Variants in NLRP14 observed in about 807,000 individuals in gnomAD.
NLRP14 encodes NACHT, LRR and PYD domains-containing protein 14.
NLRP14 carries 105 observed loss-of-function variants against 94.7 expected under a neutral mutation model. That is an observed-to-expected ratio of 1.11 (90% CI 0.95 to 1.30). The LOEUF (loss-of-function observed/expected upper bound fraction) is 1.30. Ranked by LOEUF, NLRP14 falls within the 50% of genes most tolerant of loss-of-function variation. The pLI is 0.00. For missense variants in NLRP14, 1,362 were observed against 1,254.1 expected (o/e 1.09, Z -1.30); for synonymous variants, 508 against 459.9 (o/e 1.10, Z -1.34).
At chr11:7,045,458 C>G (rs16921772) in intron 4 of NLRP14, among the ~76,000 whole-genome samples, 5,307 of 152,138 alleles carry the variant, frequency 0.035, 150 homozygotes, top group East Asian at 0.13. Context: ...AAAAGAAAAA[C>G]TGTAGGTGAC....
At chr11:7,053,383 G>C (rs10839706) in intron 6 of NLRP14, among the ~76,000 whole-genome samples, 1 of 150,128 alleles carries the variant, frequency 6.7e-6, no homozygotes, top group Admixed American at 6.6e-5. Flanking sequence ...TATAATCTTG[G>C]CTGATTCCCA....
chr11:7,077,887 G>T, the NLRP14 span, among the ~76,000 whole-genome samples: 5 of 151,914 alleles, frequency 3.3e-5, no homozygotes, highest in African/African-American at 1.2e-4. Flanking sequence ...CCATATCAGA[G>T]GGGGTTCCCA....
chr11:7,064,197 G>A (rs894443288), intron 10 of NLRP14, among the ~76,000 whole-genome samples: 5 of 152,154 alleles, frequency 3.3e-5, no homozygotes, highest in African/African-American at 9.6e-5. Context: ...GTATCGAATT[G>A]AAACAAGGTT....
Position 7,058,266 on chromosome 11 carries a change from T to C in NLRP14, c.2463-14T>C. On this transcript the variant is annotated splice_polypyrimidine_tract_variant and intron_variant, in intron 7 of 11. Coordinates refer to ENST00000299481, the MANE Select transcript of NLRP14 (RefSeq NM_176822.4). ...GGGAATTGACAGATCTCTTCTCATC[T>C]CTTTCTCTTTCAGCTTAGAAAGCTG... 1 of 1,610,120 alleles carries C rather than the reference T, an allele frequency of 6.2e-7. No homozygotes were observed. Among genetic ancestry groups the C allele is most frequent in the Non-Finnish European group, 8.5e-7 (1 of 1,176,860 alleles).
At chr11:7,034,427 A>G (rs1360078719) in intron 1 of NLRP14, among the ~76,000 whole-genome samples, 1 of 152,190 alleles carries the variant, frequency 6.6e-6, no homozygotes, top group Non-Finnish European at 1.5e-5. Flanking sequence ...GCAGTTTCTC[A>G]GAGGAGCCCT....
the NLRP14 span, chr11:7,089,980 G>C: frequency 6.2e-7 from 1 of 1,613,150 alleles, no homozygotes. Flanking sequence ...GAGAGCTACG[G>C]AGAGCTGCGC....
intron 5 of NLRP14, 105 bp downstream of exon 5, chr11:7,046,937 C>G: frequency 1.2e-6 from 1 of 862,018 alleles, no homozygotes; most frequent in Non-Finnish European, 2.0e-6. Context: ...CAAATACTTA[C>G]AATCCATTTT....
Position 7,042,751 on chromosome 11 carries a change from G to C in NLRP14, c.725G>C (p.Gly242Ala). ...LISKDWPSTE[G>A]PIEEIMYQPS... Reference sequence around the variant, plus strand: ...TCAAAGGACTGGCCCAGCACAGAAGGCCCCATTGAAGAAATCATGTACCAG... The same window carrying C: ...TCAAAGGACTGGCCCAGCACAGAAGCCCCCATTGAAGAAATCATGTACCAG... The change falls in exon 4 of 12, where the codon GGC becomes GCC. Residue 242 changes from glycine (G) to alanine (A), a missense_variant. Gly to Ala is a moderately conservative substitution (Grantham distance 60). Transcript: ENST00000299481. The C allele has an allele frequency of 6.2e-7, 1 of 1,614,164 alleles. No individual in the cohort carries two copies. Among genetic ancestry groups the C allele is most frequent in the Non-Finnish European group, 8.5e-7 (1 of 1,180,022 alleles).
chr11:7,027,236 G>T (rs948658349), intron 1 of NLRP14, among the ~76,000 whole-genome samples: 1 of 151,348 alleles, frequency 6.6e-6, no homozygotes, highest in African/African-American at 2.4e-5. Context: ...ATTTTCTGGG[G>T]CCCTGTTTTA....
chr11:7,063,587 A>G (rs1034727642), intron 10 of NLRP14, among the ~76,000 whole-genome samples: 1 of 152,074 alleles, frequency 6.6e-6, no homozygotes, highest in Non-Finnish European at 1.5e-5. Context: ...CTATGGAAGA[A>G]TATCTCCCCA....
Position 7,070,276 on chromosome 11 carries a change from T to G in NLRP14, c.2976-10T>G. ...AATTCATTTTTATCTTTTGTCTCTC[T>G]TCTCTACAGGTTGGAATACTGTGGT... On this transcript the variant is annotated splice_polypyrimidine_tract_variant and intron_variant, in intron 10 of 11. Coordinates refer to ENST00000299481, the MANE Select transcript of NLRP14 (RefSeq NM_176822.4). The G allele has an allele frequency of 6.2e-7, 1 of 1,600,020 alleles. No individual in the cohort carries two copies. The highest frequency in any genetic ancestry group is 8.6e-7 in the Non-Finnish European group (1 of 1,167,970).
At position 7,070,476 on chromosome 11, in the gene NLRP14, T is replaced by C. The variant is rs1589876513; in HGVS notation, c.3146+20T>C. 4.4e-6 allele frequency: 7 copies of C among 1,586,506 alleles called. No individual in the cohort carries two copies. In the East Asian group the frequency reaches 1.3e-4, roughly 30 times the overall value. ...TCTAGGGTAAGTCTCCATTGGCTTC[T>C]CAGGGGGAGCATTTCCTATAATGAG... On this transcript the variant is annotated intron_variant, in intron 11 of 11. Coordinates refer to ENST00000299481, the MANE Select transcript of NLRP14 (RefSeq NM_176822.4).
Position 7,049,829 on chromosome 11 carries a change from A to C in NLRP14, c.2282A>C (p.Gln761Pro), listed in dbSNP as rs747108320. 6 of 1,612,158 alleles carry C rather than the reference A, an allele frequency of 3.7e-6. No homozygotes were observed. In the African/African-American group the frequency reaches 8.0e-5, roughly 22 times the overall value. ...TTGAAACACCCAGAGTGTAAACTAC[A>C]GACTCTCAGGTAAGCTTTGAATTGT... Reference protein sequence around the residue: ...EALKHPECKLQTLRLESCNLT... With the variant: ...EALKHPECKLPTLRLESCNLT... The change falls in exon 6 of 12, where the codon CAG becomes CCG. Residue 761 changes from glutamine (Q) to proline (P), a missense_variant. Physicochemically the swap from Gln to Pro is moderately conservative, Grantham distance 76 (BLOSUM62 -1). Transcript: ENST00000299481.
chr11:7,043,778 C>T lies in NLRP14; in HGVS notation c.1752C>T (p.His584=). The T allele has an allele frequency of 6.2e-7, 1 of 1,614,132 alleles. No individual in the cohort carries two copies. The highest frequency in any genetic ancestry group is 1.7e-5 in the Admixed American group (1 of 60,018). The change falls in exon 4 of 12, where the codon CAC becomes CAT. Residue 584 remains histidine, a synonymous_variant. Transcript: ENST00000299481. ...AGCTGGGATTTCTGGAGTTGTTTCA[C>T]TGTCTGTATGAGACTCAAGATAAAG... ...PSQLGFLELF[H]CLYETQDKAF...
chr11:7,039,769 T>A lies in NLRP14; in HGVS notation c.345T>A (p.Asp115Glu), dbSNP rs766577780. Residue 115 changes from aspartate (D) to glutamate (E), a missense_variant, in exon 3 of 12, where the codon GAT becomes GAA. By Grantham distance (45) the Asp-to-Glu change is conservative (BLOSUM62 2). Transcript: ENST00000299481. ...CCAAGGCTGGAGAGACACAAGAAGA[T>A]CAGGAGGCAGTGCTGGGTGAGTAGT... Reference protein sequence around the residue: ...DDAKAGETQEDQEAVLGDGTE... With the variant: ...DDAKAGETQEEQEAVLGDGTE... 1 of 1,613,900 alleles carries A rather than the reference T, an allele frequency of 6.2e-7. No homozygotes were observed. The highest frequency in any genetic ancestry group is 8.5e-7 in the Non-Finnish European group (1 of 1,179,804).
In NLRP14 at chr11:7,042,681, A is replaced by C; in HGVS notation, c.655A>C (p.Arg219=). ...RFKYVFYLNG[R]EINQLKERSF... The stretch of plus-strand genomic sequence containing the variant: ...TAAGTATGTTTTTTATCTCAATGGG[A>C]GAGAAATTAACCAGCTGAAAGAGAG... The change falls in exon 4 of 12, where the codon AGA becomes CGA. Residue 219 remains arginine (R), a synonymous_variant. Transcript: ENST00000299481. 1 of 1,614,218 alleles carries C rather than the reference A, an allele frequency of 6.2e-7. No homozygotes were observed. The highest frequency in any genetic ancestry group is 8.5e-7 in the Non-Finnish European group (1 of 1,180,026).
intron 8 of NLRP14, among the ~76,000 whole-genome samples, chr11:7,058,907 A>C (rs1046307261): frequency 6.6e-6 from 1 of 152,000 alleles, no homozygotes; most frequent in Admixed American, 6.6e-5. Flanking sequence ...TAAACATTGA[A>C]TTAATAAGCC....
intron 6 of NLRP14, among the ~76,000 whole-genome samples, chr11:7,056,555 A>G (rs1015572832): frequency 3.3e-5 from 5 of 150,784 alleles, no homozygotes; most frequent in African/African-American, 1.2e-4. Context: ...AACTCATAAT[A>G]TGGGAAGGAT....
chr11:7,089,018 G>A, the NLRP14 span: 7 of 1,385,702 alleles, frequency 5.1e-6, no homozygotes, highest in African/African-American at 1.4e-5. Flanking sequence ...ACTAGGCGCC[G>A]CCTGACCAGT....
Sources: gnomAD v4.1 joint callset for allele counts (sites outside exome capture counted in the v4.1 genomes callset) on GRCh38, gnomAD v4.1.1 for gene constraint, MANE v1.5 for transcripts, NCBI Gene and HGNC (gene_info 2026-07-23, HGNC 2026-07-21) for gene names.